The following C3orf20 variants were observed in gnomAD, a reference collection of about 807,000 sequenced individuals.
The protein encoded by C3orf20 is uncharacterized protein C3orf20.
C3orf20 carries 76 observed loss-of-function variants against 88.3 expected under a neutral mutation model. The observed-to-expected ratio is 0.86, with a 90% confidence interval of 0.72 to 1.04. The LOEUF (loss-of-function observed/expected upper bound fraction) is 1.04. C3orf20 is among the 50% of genes least tolerant of loss of function. The pLI, the probability that C3orf20 is intolerant of heterozygous loss-of-function variation, is 0.00. For missense variants in C3orf20, 1,056 were observed against 1,123.3 expected (o/e 0.94, Z 0.86); for synonymous variants, 436 against 437.4 (o/e 1.00, Z 0.04).
At chr3:14,725,603 G>C (rs1448256431) in intron 10 of C3orf20, among the ~76,000 whole-genome samples, 1 of 152,146 alleles carries the variant, frequency 6.6e-6, no homozygotes, top group South Asian at 2.1e-4. Flanking sequence ...GCAGCAACTG[G>C]GGCCAAGAAT....
At chr3:14,766,202 G>A (rs976171639) in intron 15 of C3orf20, among the ~76,000 whole-genome samples, 30 of 152,196 alleles carry the variant, frequency 2.0e-4, no homozygotes, top group Non-Finnish European at 1.2e-4. Flanking sequence ...TTTCTTGTGT[G>A]GCAGATAGTG....
In C3orf20 at chr3:14,682,705, G is replaced by T; in HGVS notation, c.-9G>T. ...CAGAGAGCTCTCTTTATAGCTGAAG[G>T]TCCCTCTCATGAGTTACATCAAGAG... On this transcript the variant is annotated 5_prime_UTR_variant, in exon 3 of 17. Coordinates refer to ENST00000253697, the MANE Select transcript of C3orf20 (RefSeq NM_032137.5). 6.3e-7 allele frequency: 1 copy of T among 1,596,592 alleles called. No individual in the cohort carries two copies. The highest frequency in any genetic ancestry group is 8.5e-7 in the Non-Finnish European group (1 of 1,171,310).
intron 7 of C3orf20, among the ~76,000 whole-genome samples, chr3:14,712,296 C>A (rs1296752783): frequency 1.3e-5 from 2 of 152,012 alleles, no homozygotes; most frequent in Non-Finnish European, 2.9e-5. Flanking sequence ...TTTCTGGCAA[C>A]CACCAGAAAC....
At chr3:14,736,790 C>T (rs1300976960) in intron 12 of C3orf20, among the ~76,000 whole-genome samples, 1 of 152,094 alleles carries the variant, frequency 6.6e-6, no homozygotes, top group Admixed American at 6.5e-5. Context: ...TGATCTCAAA[C>T]TCCTGACCTC....
chr3:14,772,041 T>C lies in C3orf20; in HGVS notation c.2496-26T>C. 3 of 1,613,944 alleles carry C rather than the reference T, an allele frequency of 1.9e-6. No homozygotes were observed. Among genetic ancestry groups the C allele is most frequent in the Non-Finnish European group, 2.5e-6 (3 of 1,179,910 alleles). ...GCAGTGCACCCTGGGCCCTGAGCAC[T>C]GCCCCCGACCCTGCCTCCCCTGCAG... is the stretch of plus-strand genomic sequence containing the variant. On this transcript the variant is annotated intron_variant, in intron 15 of 16. Coordinates refer to ENST00000253697, the MANE Select transcript of C3orf20 (RefSeq NM_032137.5). The surrounding 1 kb of genome is among the most constrained non-coding windows in gnomAD (Gnocchi z 4.2).
At chr3:14,725,677 C>T (rs1386502948) in intron 10 of C3orf20, among the ~76,000 whole-genome samples, 1 of 152,088 alleles carries the variant, frequency 6.6e-6, no homozygotes, top group Non-Finnish European at 1.5e-5. Flanking sequence ...CTGCCTTCAG[C>T]ATAAAGAAGG....
intron 5 of C3orf20, among the ~76,000 whole-genome samples, chr3:14,698,251 T>C (rs552514991): frequency 3.6e-4 from 55 of 152,362 alleles, no homozygotes; most frequent in African/African-American, 1.2e-3. Context: ...AAAGGTAACA[T>C]ATCTGTTTCT....
chr3:14,755,809 C>G (rs1271573550), intron 12 of C3orf20, among the ~76,000 whole-genome samples: 1 of 152,038 alleles, frequency 6.6e-6, no homozygotes, highest in Admixed American at 6.5e-5. Context: ...GCGGGCAGAT[C>G]ACGAGGTCAG....
At chr3:14,721,552 G>C (rs1365669715) in intron 9 of C3orf20, 101 bp from the exon 10 acceptor site, 8 of 1,487,952 alleles carry the variant, frequency 5.4e-6, no homozygotes, top group Non-Finnish European at 6.4e-6. Context: ...CAAATCTTCT[G>C]CCCCAAGCCA....
intron 1 of C3orf20, among the ~76,000 whole-genome samples, chr3:14,677,459 C>T (rs1434416338): frequency 6.6e-6 from 1 of 152,080 alleles, no homozygotes; most frequent in African/African-American, 2.4e-5. Context: ...CCTTTTTATA[C>T]CCTTCCAGGT....
chr3:14,740,063 C>T (rs2034855142), intron 12 of C3orf20, among the ~76,000 whole-genome samples: 1 of 152,122 alleles, frequency 6.6e-6, no homozygotes, highest in Non-Finnish European at 1.5e-5. Context: ...TTTTAATTTC[C>T]TTCATGAACT....
At chr3:14,687,027 A>G (rs2032466852) in intron 4 of C3orf20, among the ~76,000 whole-genome samples, 1 of 152,242 alleles carries the variant, frequency 6.6e-6, no homozygotes, top group Non-Finnish European at 1.5e-5. Context: ...TGCCCCTCCA[A>G]TGCCCCTGAT....
At chr3:14,770,767 G>C (rs2125048903) in intron 15 of C3orf20, among the ~76,000 whole-genome samples, 1 of 152,280 alleles carries the variant, frequency 6.6e-6, no homozygotes, top group African/African-American at 2.4e-5. Context: ...TCCTGTCTCT[G>C]CCATTGACTT....
At chr3:14,734,617 A>G (rs901058252) in intron 12 of C3orf20, among the ~76,000 whole-genome samples, 4 of 152,236 alleles carry the variant, frequency 2.6e-5, no homozygotes, top group Non-Finnish European at 4.4e-5. Flanking sequence ...CACATAGTCA[A>G]TTTTGGTAAA....
intron 13 of C3orf20, among the ~76,000 whole-genome samples, 180 bp from the exon 14 acceptor site, chr3:14,759,711 G>C (rs531651702): frequency 1.3e-5 from 2 of 152,312 alleles, no homozygotes; most frequent in East Asian, 1.9e-4. Context: ...ACATCCTCAA[G>C]GGACAGTCAT....
chr3:14,706,983 C>T (rs1181850527), intron 7 of C3orf20, among the ~76,000 whole-genome samples: 2 of 152,074 alleles, frequency 1.3e-5, no homozygotes, highest in Non-Finnish European at 2.9e-5. Context: ...GGCGTGGTGG[C>T]TCGTGCCTGT....
intron 12 of C3orf20, among the ~76,000 whole-genome samples, chr3:14,750,272 G>A (rs2035181344): frequency 6.6e-6 from 1 of 152,174 alleles, no homozygotes; most frequent in East Asian, 1.9e-4. Flanking sequence ...GGCTGAGGCT[G>A]GGTGCAGTGG....
chr3:14,690,102 C>T lies in C3orf20; in HGVS notation c.731C>T (p.Ala244Val). 1 of 1,614,126 alleles carries T rather than the reference C, an allele frequency of 6.2e-7. No homozygotes were observed. The highest frequency in any genetic ancestry group is 8.5e-7 in the Non-Finnish European group (1 of 1,180,030). The change falls in exon 5 of 17, where the codon GCC (alanine) becomes GTC (valine). Residue 244 changes from alanine to valine, a missense_variant. Ala to Val is a moderately conservative substitution (Grantham distance 64, BLOSUM62 0). Coordinates refer to ENST00000253697, the MANE Select transcript of C3orf20 (RefSeq NM_032137.5). ...TTTTCTCTCTCTGCTGGAAAAGAAG[C>T]CAAGAAGAAAATAGGTAAAAATGGT... ...LSFSLSAGKE[A>V]KKKIGKSRTT...
intron 12 of C3orf20, among the ~76,000 whole-genome samples, chr3:14,746,508 A>G (rs894588920): frequency 7.2e-5 from 11 of 152,204 alleles, no homozygotes; most frequent in African/African-American, 2.7e-4. Context: ...GATAACTGCA[A>G]CATATATTAT....
Sources: gnomAD v4.1 joint callset for allele counts (sites outside exome capture counted in the v4.1 genomes callset) on GRCh38, gnomAD v4.1.1 for gene constraint, Gnocchi (gnomAD v3.1) non-coding constraint, MANE v1.5 for transcripts, NCBI Gene and HGNC (gene_info 2026-07-23, HGNC 2026-07-21) for gene names.